Variants in USP30 observed in about 807,000 individuals in gnomAD.
The protein encoded by USP30 is ubiquitin specific peptidase 30.
A neutral mutation model predicts 68.2 loss-of-function variants in USP30; 41 were observed. The ratio of observed to expected loss-of-function variants is 0.60; its 90% confidence interval spans 0.47 to 0.78. The LOEUF (loss-of-function observed/expected upper bound fraction) is 0.78. Ranked by LOEUF, USP30 falls within the 30% of genes least tolerant of loss-of-function variation. The probability of loss-of-function intolerance (pLI) is 0.00; values close to 1 mark genes in which losing one functional copy is unlikely to be tolerated. For missense variants in USP30, 522 were observed against 649.4 expected (o/e 0.80, Z 2.13); for synonymous variants, 229 against 253.7 (o/e 0.90, Z 0.93).
Position 109,081,623 on chromosome 12 carries a change from GCACACACACA to G in USP30, c.780+261_780+270del, listed in dbSNP as rs61164773. On this transcript the variant is annotated intron_variant, in intron 8 of 12. Coordinates refer to ENST00000257548, the MANE Select transcript of USP30 (RefSeq NM_032663.5). ...TTTGAATACACACGCACGCATGCGC[GCACACACACA>G]CACACACACACACACACACACACAC... 4,757 of 499,516 alleles carry G rather than the reference GCACACACACA, an allele frequency of 9.5e-3. 33 individuals are homozygous for G. Among genetic ancestry groups the G allele is most frequent in the African/African-American group, 0.042 (2,120 of 50,488 alleles). The allele number at this position is 499,516 out of a possible 1,614,324, so 30.9% of individuals were successfully genotyped here. A position where few individuals can be genotyped will look rare whatever the true frequency, so the allele number is the denominator to read the frequency against.
chr12:109,071,758 T>C (rs765022234), intron 5 of USP30, 48 bp downstream of exon 5: 30 of 1,527,522 alleles, frequency 2.0e-5, no homozygotes, highest in South Asian at 3.4e-5. Context: ...TGTGCATATT[T>C]AATAAGTATA....
chr12:109,055,195 G>A (rs12826751), intron 1 of USP30, among the ~76,000 whole-genome samples: 1,583 of 151,124 alleles, frequency 0.01, 12 homozygotes, highest in African/African-American at 0.014. Flanking sequence ...CATAACCAGC[G>A]TTCAAGTCAA....
At chr12:109,083,949 ACT>A (rs1268193590) in intron 11 of USP30, among the ~76,000 whole-genome samples, 1 of 152,052 alleles carries the variant, frequency 6.6e-6, no homozygotes, top group Non-Finnish European at 1.5e-5. Flanking sequence ...TAGGGGACAG[ACT>A]CTGGTTCAGT....
intron 1 of USP30, chr12:109,054,072 T>C (rs963159503): frequency 4.4e-6 from 2 of 455,730 alleles, no homozygotes; most frequent in Non-Finnish European, 8.8e-6. Flanking sequence ...TGGCAGAGAG[T>C]ATGTACCCTT....
In USP30 at chr12:109,052,701, C is replaced by T. The variant is rs754106501; in HGVS notation, c.23C>T (p.Ala8Val). ...GCAATGCTGAGCTCCCGGGCCGAGG[C>T]GGCGATGACCGCGGCCGACAGGGCC... MLSSRAE[A>V]AMTAADRAIQ... Residue 8 changes from alanine (A) to valine (V), a missense_variant, in exon 1 of 13, where the codon GCG (alanine) becomes GTG (valine). Ala to Val is a moderately conservative substitution (Grantham distance 64, BLOSUM62 0). Transcript: ENST00000257548. 7 of 1,483,990 alleles carry T rather than the reference C, an allele frequency of 4.7e-6. No individual in the cohort carries two copies. The South Asian group carries it at 7.9e-5, about 17-fold the overall frequency. The allele number at this position is 1,483,990 out of a possible 1,614,324, so 91.9% of individuals were successfully genotyped here. A position where few individuals can be genotyped will look rare whatever the true frequency, so the allele number is the denominator to read the frequency against.
intron 6 of USP30, among the ~76,000 whole-genome samples, chr12:109,072,866 G>A (rs974719060): frequency 6.6e-6 from 1 of 152,188 alleles, no homozygotes; most frequent in Admixed American, 6.5e-5. Context: ...TGATACTGGA[G>A]TTAATGGGAT....
intron 11 of USP30, 124 bp from the exon 12 acceptor site, chr12:109,084,829 C>A: frequency 1.7e-6 from 2 of 1,144,402 alleles, no homozygotes; most frequent in Non-Finnish European, 2.4e-6. Context: ...CTATATAATA[C>A]CAAATGAAAT....
chr12:109,043,877 T>C (rs962110723), intron 3 of USP30, among the ~76,000 whole-genome samples: 105 of 152,362 alleles, frequency 6.9e-4, no homozygotes, highest in Middle Eastern at 3.4e-3. Flanking sequence ...CATATCCAAA[T>C]GCATTGAAAG....
intron 4 of USP30, among the ~76,000 whole-genome samples, chr12:109,068,149 C>G (rs1014689611): frequency 2.0e-5 from 3 of 152,168 alleles, no homozygotes; most frequent in African/African-American, 7.2e-5. Context: ...TGGAACTTGG[C>G]CACCCTCCTC....
intron 7 of USP30, among the ~76,000 whole-genome samples, chr12:109,075,964 T>A (rs1399883113): frequency 2.0e-5 from 3 of 152,150 alleles, no homozygotes; most frequent in African/African-American, 7.2e-5. Context: ...TAATATTTTC[T>A]TTCATTCCAT....
At chr12:109,035,347 T>C (rs2040511030) in intron 3 of USP30, among the ~76,000 whole-genome samples, 1 of 110,308 alleles carries the variant, frequency 9.1e-6, no homozygotes, top group Admixed American at 8.9e-5. Context: ...AATTTGTTTA[T>C]TTATTTTATT....
At chr12:109,057,779 C>T (rs2040921672) in intron 2 of USP30, 147 bp from the exon 3 acceptor site, 2 of 867,338 alleles carry the variant, frequency 2.3e-6, no homozygotes, top group Non-Finnish European at 1.8e-6. Context: ...AGATAGAAGG[C>T]CTGGCCCCAG....
chr12:109,081,305 T>G, intron 7 of USP30, 29 bp from the exon 8 acceptor site: 2 of 1,612,796 alleles, frequency 1.2e-6, no homozygotes, highest in East Asian at 4.5e-5. Flanking sequence ...CCTAAATCGT[T>G]TCTGGATTTT....
Position 109,044,988 on chromosome 12 carries a change from C to CTTTTTT in USP30, c.-135-2584_-135-2579dup, listed in dbSNP as rs34418635. 4.4e-3 allele frequency among the ~76,000 whole-genome samples: 445 copies of CTTTTTT among 100,098 alleles called. 1 individual carries two copies. Among genetic ancestry groups the CTTTTTT allele is most frequent in the Non-Finnish European group, 5.1e-3 (260 of 51,058 alleles). 65.7% of individuals were successfully genotyped at this position (100,098 alleles called of 152,430 possible). ...TTCATTACCAAGTAAGGTCAAACAT[C>CTTTTTT]TTTTTTTTTTTTTTTTTTTTTTTCT... is the stretch of plus-strand genomic sequence containing the variant. On this transcript the variant is annotated intron_variant, in intron 3 of 15. Transcript: ENST00000392784.
At chr12:109,031,752 C>A (rs2040483018) in intron 3 of USP30, among the ~76,000 whole-genome samples, 1 of 151,998 alleles carries the variant, frequency 6.6e-6, no homozygotes, top group Non-Finnish European at 1.5e-5. Flanking sequence ...CCAGTAACAA[C>A]AAAAAAATAT....
intron 3 of USP30, 64 bp from the exon 4 acceptor site, chr12:109,067,460 C>A: frequency 7.0e-7 from 1 of 1,430,334 alleles, no homozygotes; most frequent in East Asian, 2.3e-5. Context: ...TTATACTGTG[C>A]AAGTTTTCTG....
intron 3 of USP30, among the ~76,000 whole-genome samples, chr12:109,061,433 GTTC>G: frequency 6.7e-6 from 1 of 149,072 alleles, no homozygotes; most frequent in Admixed American, 6.7e-5. Context: ...TTTAGACAGG[GTTC>G]TTCTGTCTGT....
chr12:109,083,797 C>T (rs1248952501), intron 11 of USP30, among the ~76,000 whole-genome samples: 1 of 152,156 alleles, frequency 6.6e-6, no homozygotes, highest in Non-Finnish European at 1.5e-5. Context: ...TCTCACACCC[C>T]ATACTTTCCT....
At chr12:109,045,358 G>T (rs1566078854) in intron 3 of USP30, among the ~76,000 whole-genome samples, 1 of 152,194 alleles carries the variant, frequency 6.6e-6, no homozygotes, top group Non-Finnish European at 1.5e-5. Flanking sequence ...GTGTTAATGA[G>T]ATCCCAGCTA....
Sources: gnomAD v4.1 joint callset for allele counts (sites outside exome capture counted in the v4.1 genomes callset) on GRCh38, gnomAD v4.1.1 for gene constraint, MANE v1.5 for transcripts, NCBI Gene and HGNC (gene_info 2026-07-23, HGNC 2026-07-21) for gene names.